Variants in CCDC149 observed in about 807,000 individuals in gnomAD.
CCDC149 encodes coiled-coil domain containing 149, also known as coiled-coil domain-containing protein 149.
Under a neutral mutation model 59.9 loss-of-function variants are expected in CCDC149, and 45 were observed. The ratio of observed to expected loss-of-function variants is 0.75; its 90% CI spans 0.59 to 0.96. CCDC149 has a LOEUF of 0.96. Among genes scored for constraint, CCDC149 ranks in the 40% least tolerant of loss-of-function variants. The probability of loss-of-function intolerance (pLI) is 0.00; values close to 1 mark genes in which losing one functional copy is unlikely to be tolerated. For missense variants in CCDC149, 584 were observed against 664.7 expected, an observed-to-expected ratio of 0.88 and a Z score of 1.33; for synonymous variants, 245 against 260.6, an observed-to-expected ratio of 0.94 and a Z score of 0.58.
intron 1 of CCDC149, among the ~76,000 whole-genome samples, chr4:24,943,176 C>T (rs2109349729): frequency 6.6e-6 from 1 of 152,294 alleles, no homozygotes; most frequent in Admixed American, 6.5e-5. Context: ...ACCAAAACAG[C>T]ATGGTACTGG....
At chr4:24,819,706 A>G (rs1045363931) in intron 12 of CCDC149, among the ~76,000 whole-genome samples, 153 bp downstream of exon 12, 1 of 152,130 alleles carries the variant, frequency 6.6e-6, no homozygotes, top group South Asian at 2.1e-4. Context: ...AACAAGATGA[A>G]CCCACATAAG....
At chr4:24,804,005 C>T (rs1714000173), downstream of CCDC149, among the ~76,000 whole-genome samples, 1 of 152,160 alleles carries the variant, frequency 6.6e-6, no homozygotes, top group Non-Finnish European at 1.5e-5. Flanking sequence ...CTCTGATCTA[C>T]AAATTTTTCT....
intron 3 of CCDC149, among the ~76,000 whole-genome samples, chr4:24,858,605 G>A (rs1470482259): frequency 6.6e-6 from 1 of 152,172 alleles, no homozygotes; most frequent in African/African-American, 2.4e-5. Flanking sequence ...ATTCAAGGCC[G>A]AAAGGATATG....
intron 4 of CCDC149, among the ~76,000 whole-genome samples, chr4:24,849,283 G>A (rs1055014079): frequency 5.3e-5 from 8 of 152,152 alleles, no homozygotes; most frequent in African/African-American, 1.9e-4. Context: ...GTAATGCGTG[G>A]CTTTGTGAGC....
intron 3 of CCDC149, among the ~76,000 whole-genome samples, chr4:24,862,488 A>G (rs527687267): frequency 5.3e-5 from 8 of 152,148 alleles, no homozygotes; most frequent in African/African-American, 1.9e-4. Context: ...CTCCCTGGCT[A>G]CTCGCTGTGG....
In CCDC149 at chr4:24,912,911, T is replaced by G. The variant is rs775409090; in HGVS notation, c.-32A>C. 27 of 1,230,774 alleles carry G rather than the reference T, an allele frequency of 2.2e-5. No homozygotes were observed. The highest frequency in any genetic ancestry group is 8.9e-5 in the South Asian group (5 of 56,104). 76.2% of individuals were successfully genotyped at this position (1,230,774 alleles called of 1,614,324 possible). On this transcript the variant is annotated 5_prime_UTR_variant, in exon 1 of 13. Coordinates refer to ENST00000635206, the MANE Select transcript of CCDC149 (RefSeq NM_001330643.2). ...GCCGGCCTCCTGGACCCCCGCCGCC[T>G]CCTCCTCCTCGCGACGTCGCGTCGC...
intron 1 of CCDC149, among the ~76,000 whole-genome samples, chr4:24,927,762 A>G (rs1722467765): frequency 6.6e-6 from 1 of 152,048 alleles, no homozygotes; most frequent in Non-Finnish European, 1.5e-5. Context: ...GGTTCTCTCT[A>G]CACTCATGCA....
At chr4:24,941,567 C>T (rs1268323760) in intron 1 of CCDC149, among the ~76,000 whole-genome samples, 11 of 151,746 alleles carry the variant, frequency 7.2e-5, no homozygotes, top group Non-Finnish European at 1.2e-4. Context: ...TGAAGGAAAT[C>T]GAGACACAAA....
chr4:24,920,285 T>C (rs1275186067), intron 1 of CCDC149, among the ~76,000 whole-genome samples: 1 of 152,238 alleles, frequency 6.6e-6, no homozygotes, highest in Admixed American at 6.5e-5. Flanking sequence ...TCAACTACAC[T>C]GGACATCCAA....
At chr4:24,817,187 C>T (rs1420556190) in intron 12 of CCDC149, among the ~76,000 whole-genome samples, 2 of 152,160 alleles carry the variant, frequency 1.3e-5, no homozygotes, top group East Asian at 1.9e-4. Context: ...AGGTCCACCC[C>T]GAGGCTCAGC....
chr4:24,905,830 G>A (rs953825397), intron 1 of CCDC149, among the ~76,000 whole-genome samples: 3 of 152,164 alleles, frequency 2.0e-5, no homozygotes, highest in Non-Finnish European at 2.9e-5. Flanking sequence ...AGGAGTGGCC[G>A]TATGACTATG....
At chr4:24,971,329 C>T (rs567094374) in intron 1 of CCDC149, among the ~76,000 whole-genome samples, 77 of 152,182 alleles carry the variant, frequency 5.1e-4, no homozygotes, top group South Asian at 1.0e-3. Flanking sequence ...TGTCCTTGCC[C>T]GGGGGACGCC....
chr4:24,918,568 A>T (rs527667507), intron 1 of CCDC149, among the ~76,000 whole-genome samples: 1 of 152,276 alleles, frequency 6.6e-6, no homozygotes, highest in African/African-American at 2.4e-5. Flanking sequence ...TGCATCTTAC[A>T]ATTGCATCGA....
intron 1 of CCDC149, among the ~76,000 whole-genome samples, chr4:24,940,455 A>G (rs1183213723): frequency 7.2e-5 from 11 of 152,230 alleles, no homozygotes; most frequent in African/African-American, 2.4e-5. Context: ...CAAATTGTAA[A>G]GACCATCAAG....
chr4:24,914,919 A>C (rs1722081961), upstream of CCDC149, among the ~76,000 whole-genome samples: 2 of 152,220 alleles, frequency 1.3e-5, no homozygotes, highest in African/African-American at 2.4e-5. Context: ...ACTAGTCAGC[A>C]CATTGGTTTT....
At chr4:24,853,322 G>C in intron 3 of CCDC149, 143 bp from the exon 4 acceptor site, 1 of 663,568 alleles carries the variant, frequency 1.5e-6, no homozygotes, top group Non-Finnish European at 2.7e-6. Flanking sequence ...TATGAATGCA[G>C]CCAGTGTGTG....
chr4:24,963,914 C>A (rs1209211533), intron 1 of CCDC149, among the ~76,000 whole-genome samples: 2 of 152,158 alleles, frequency 1.3e-5, no homozygotes, highest in African/African-American at 4.8e-5. Flanking sequence ...ATAATCCTAG[C>A]ACTTTGGGAG....
At chr4:24,857,399 A>G (rs570019263) in intron 3 of CCDC149, among the ~76,000 whole-genome samples, 2 of 152,326 alleles carry the variant, frequency 1.3e-5, no homozygotes, top group South Asian at 4.1e-4. Flanking sequence ...ACATAAAACC[A>G]TGCTGTCAAA....
At chr4:24,818,908 G>A (rs1715187825) in intron 12 of CCDC149, among the ~76,000 whole-genome samples, 1 of 152,178 alleles carries the variant, frequency 6.6e-6, no homozygotes, top group South Asian at 2.1e-4. Flanking sequence ...CAAGGGGTAG[G>A]GAACATTTGG....
Sources: allele counts gnomAD v4.1 joint callset (sites outside exome capture counted in the v4.1 genomes callset), GRCh38; gene constraint gnomAD v4.1.1; transcripts MANE v1.5; gene names NCBI Gene and HGNC (gene_info 2026-07-23, HGNC 2026-07-21).